ZNF407: variants seen among roughly 807,000 people sequenced by gnomAD.
ZNF407 encodes zinc finger protein 407.
Under a neutral mutation model 131.2 loss-of-function variants are expected in ZNF407, and 17 were observed. That is an observed-to-expected ratio of 0.13 (90% CI 0.09 to 0.19). The LOEUF is 0.19. ZNF407 is among the 10% of genes least tolerant of loss of function. The pLI is 1.00. For synonymous variants in ZNF407, 1,156 were observed against 1,062.0 expected (o/e 1.09, Z -1.72); for missense variants, 2,681 against 2,830.6 (o/e 0.95, Z 1.20).
At chr18:74,802,546 G>A (rs1192852415) in intron 4 of ZNF407, among the ~76,000 whole-genome samples, 4 of 152,178 alleles carry the variant, frequency 2.6e-5, no homozygotes, top group Non-Finnish European at 5.9e-5. Flanking sequence ...CAAATTTTAT[G>A]TAGCAGAATA....
chr18:74,738,834 C>G (rs1437272893), intron 3 of ZNF407, among the ~76,000 whole-genome samples: 1 of 152,064 alleles, frequency 6.6e-6, no homozygotes, highest in Non-Finnish European at 1.5e-5. Flanking sequence ...AGGAGGAATA[C>G]TGGGATTTCT....
intron 3 of ZNF407, among the ~76,000 whole-genome samples, chr18:74,650,490 CAAGTT>C (rs1251372409): frequency 1.3e-5 from 2 of 152,176 alleles, no homozygotes; most frequent in African/African-American, 4.8e-5. Context: ...CATCCACAGA[CAAGTT>C]AGGTTGATGA....
In ZNF407 at chr18:74,613,526, A is replaced by C. The variant is rs571645019; in HGVS notation, c.-54+15589A>C. ...ATGTAATGTCATGCTTTCTAGTAGA[A>C]TCGGCACCTCACTTAGAAGTTGACA... On this transcript the variant is annotated intron_variant, in intron 1 of 8. Transcript: ENST00000299687. 1.4e-4 allele frequency among the ~76,000 whole-genome samples: 21 copies of C among 152,384 alleles called. No individual in the cohort carries two copies. The South Asian group carries it at 4.4e-3, about 32-fold the overall frequency.
intron 8 of ZNF407, among the ~76,000 whole-genome samples, chr18:75,002,698 G>A (rs1381413331): frequency 1.3e-5 from 2 of 151,888 alleles, no homozygotes; most frequent in African/African-American, 2.4e-5. Flanking sequence ...CCAGCTACTC[G>A]GGAGACTGAG....
chr18:74,906,706 T>C (rs112943132), intron 7 of ZNF407, among the ~76,000 whole-genome samples: 2,813 of 152,344 alleles, frequency 0.018, 94 homozygotes, highest in African/African-American at 0.063. Flanking sequence ...GTATACATTT[T>C]ATCTGTATAT....
chr18:74,758,216 AT>A (rs1215198488), intron 3 of ZNF407, among the ~76,000 whole-genome samples: 5 of 151,672 alleles, frequency 3.3e-5, no homozygotes, highest in African/African-American at 1.2e-4. Flanking sequence ...TTGTTATGGT[AT>A]TTTACTGTTT....
chr18:74,804,138 T>C, intron 4 of ZNF407: 2 of 1,499,806 alleles, frequency 1.3e-6, no homozygotes, highest in Non-Finnish European at 1.8e-6. Context: ...TATTTCATTG[T>C]CTTTTTTTTT....
intron 3 of ZNF407, among the ~76,000 whole-genome samples, chr18:74,751,683 C>T (rs1202814393): frequency 6.6e-6 from 1 of 152,146 alleles, no homozygotes; most frequent in African/African-American, 2.4e-5. Context: ...TCATCCATGT[C>T]CCTACAAAGG....
chr18:74,877,130 G>C lies in ZNF407; in HGVS notation c.4878-67G>C, dbSNP rs751520030. The C allele has an allele frequency of 3.4e-6, 5 of 1,471,836 alleles. No individual in the cohort carries two copies. In the East Asian group the frequency reaches 1.1e-4, roughly 33 times the overall value. 91.2% of individuals were successfully genotyped at this position (1,471,836 alleles called of 1,614,324 possible). On this transcript the variant is annotated intron_variant, in intron 4 of 8. Transcript: ENST00000299687. ...ACCGCACCTCAGGGTTCGCACACGCGCTGCCTGGGGCCTTCGGTGCTGGTG... is the reference window on the plus strand; with the variant it reads ...ACCGCACCTCAGGGTTCGCACACGCCCTGCCTGGGGCCTTCGGTGCTGGTG...
chr18:74,657,426 A>G (rs1185577759), intron 3 of ZNF407, among the ~76,000 whole-genome samples: 1 of 152,168 alleles, frequency 6.6e-6, no homozygotes, highest in Non-Finnish European at 1.5e-5. Context: ...TGTCCAGAAA[A>G]TGCATTATTG....
Position 74,632,594 on chromosome 18 carries a change from G to A in ZNF407, c.1575G>A (p.Gln525=). 1 of 1,614,066 alleles carries A rather than the reference G, an allele frequency of 6.2e-7. No homozygotes were observed. Among genetic ancestry groups the A allele is most frequent in the Non-Finnish European group, 8.5e-7 (1 of 1,179,918 alleles). ...CAGTGAAGCCAGCTTCTGGCTCTCA[G>A]ACGTTGTGTGCTTGTACAGACTGTG... ...SLTVKPASGS[Q]TLCACTDCGQ... is the part of the protein sequence containing the mutation. The change falls in exon 2 of 9, where the codon CAG becomes CAA. Residue 525 remains glutamine (Q), a synonymous_variant. Transcript: ENST00000299687.
intron 8 of ZNF407, among the ~76,000 whole-genome samples, chr18:74,993,088 T>C (rs2122141491): frequency 6.6e-6 from 1 of 152,292 alleles, no homozygotes; most frequent in Non-Finnish European, 1.5e-5. Context: ...CCTGTAAAAC[T>C]AAACATATAC....
chr18:74,840,887 C>A (rs768629572), intron 4 of ZNF407, among the ~76,000 whole-genome samples: 2 of 152,224 alleles, frequency 1.3e-5, no homozygotes, highest in African/African-American at 4.8e-5. Context: ...CAACTAACTC[C>A]GTCTTCCCTC....
chr18:74,668,931 G>A (rs12458417), intron 3 of ZNF407, among the ~76,000 whole-genome samples: 1 of 151,684 alleles, frequency 6.6e-6, no homozygotes. Flanking sequence ...CTAAGTCTCT[G>A]TTCTCATGCG....
chr18:74,763,859 G>A (rs1454303971), intron 3 of ZNF407, among the ~76,000 whole-genome samples: 3 of 150,766 alleles, frequency 2.0e-5, no homozygotes, highest in African/African-American at 4.9e-5. Flanking sequence ...ACAGGCGCCC[G>A]CTACCACGCC....
At chr18:74,717,682 G>A (rs1203631574) in intron 3 of ZNF407, among the ~76,000 whole-genome samples, 2 of 152,138 alleles carry the variant, frequency 1.3e-5, no homozygotes, top group Non-Finnish European at 2.9e-5. Context: ...TAAAAAAAAT[G>A]TAACTTGCTT....
chr18:75,016,363 T>C (rs1973044077), intron 8 of ZNF407, among the ~76,000 whole-genome samples: 1 of 152,170 alleles, frequency 6.6e-6, no homozygotes, highest in African/African-American at 2.4e-5. Context: ...TTTATAGCTA[T>C]TTAAAACACT....
chr18:74,616,903 A>G (rs1599132743), intron 1 of ZNF407, among the ~76,000 whole-genome samples: 1 of 147,046 alleles, frequency 6.8e-6, no homozygotes, highest in African/African-American at 2.6e-5. Flanking sequence ...ATCCATATCC[A>G]CACACATCCA....
In ZNF407 at chr18:75,064,104, C is replaced by G. The variant is rs1192769591; in HGVS notation, c.6383C>G (p.Ala2128Gly). 6.3e-7 allele frequency: 1 copy of G among 1,592,896 alleles called. No individual in the cohort carries two copies. Among genetic ancestry groups the G allele is most frequent in the Non-Finnish European group, 8.5e-7 (1 of 1,170,368 alleles). Residue 2128 changes from alanine (A) to glycine (G), a missense_variant, in exon 9 of 9, where the codon GCG becomes GGG. Ala to Gly is a moderately conservative substitution (Grantham distance 60, BLOSUM62 0). Transcript: ENST00000299687. ...GEGAQIIMQE[A>G]QGEHMDLVES... ...GGTGCCCAGATCATCATGCAGGAGG[C>G]GCAGGGCGAGCACATGGATCTGGTG...
Sources: allele counts gnomAD v4.1 joint callset (sites outside exome capture counted in the v4.1 genomes callset), GRCh38; gene constraint gnomAD v4.1.1; transcripts MANE v1.5; gene names NCBI Gene and HGNC (gene_info 2026-07-23, HGNC 2026-07-21).